NUMA1: variants seen among roughly 807,000 people sequenced by gnomAD.
The protein encoded by NUMA1 is SP-H antigen.
In NUMA1, 62 loss-of-function variants were observed where a neutral mutation model predicts 237.1. The ratio of observed to expected loss-of-function variants is 0.26; its 90% CI spans 0.21 to 0.32. The LOEUF (loss-of-function observed/expected upper bound fraction) is 0.32, where lower values mean the gene tolerates loss of function less well. Among genes scored for constraint, NUMA1 ranks in the 10% least tolerant of loss-of-function variants. The pLI, the probability that NUMA1 is intolerant of heterozygous loss-of-function variation, is 1.00. For missense variants in NUMA1, 2,533 were observed against 2,666.5 expected (o/e 0.95, Z 1.10); for synonymous variants, 1,028 against 1,066.1 (o/e 0.96, Z 0.70).
At chr11:72,012,780 T>G in intron 15 of NUMA1, 115 bp downstream of exon 15, 6 of 1,418,064 alleles carry the variant, frequency 4.2e-6, no homozygotes, top group Admixed American at 2.4e-5. Context: ...ACCCAGTGAA[T>G]GAGGAAAGGC....
At chr11:72,035,824 C>T in intron 3 of NUMA1, 78 bp downstream of exon 3, 1 of 1,315,294 alleles carries the variant, frequency 7.6e-7, no homozygotes, top group Non-Finnish European at 1.1e-6. Context: ...ATAGCCCTGG[C>T]TCCTACAAAA....
chr11:72,035,596 C>CG (rs368685278), intron 3 of NUMA1, among the ~76,000 whole-genome samples: 2,463 of 151,502 alleles, frequency 0.016, 72 homozygotes, highest in African/African-American at 0.057. Context: ...TTAGTAGAGA[C>CG]GGGGGGGTTT....
chr11:72,011,606 C>T (rs537385759), intron 16 of NUMA1, among the ~76,000 whole-genome samples: 1 of 152,340 alleles, frequency 6.6e-6, no homozygotes, highest in East Asian at 1.9e-4. Context: ...TTGTCCCCCA[C>T]TATCACAGGC....
chr11:72,024,589 A>C, intron 4 of NUMA1: 2 of 528,940 alleles, frequency 3.8e-6, no homozygotes, highest in East Asian at 3.3e-5. Context: ...AAAAGATGGC[A>C]CTCTGCCACC....
chr11:72,065,735 T>C (rs952520467), intron 2 of NUMA1: 2 of 152,240 alleles, frequency 1.3e-5, no homozygotes, highest in African/African-American at 2.4e-5. Context: ...TGAAATTTTA[T>C]CCACAAAGGA....
intron 2 of NUMA1, among the ~76,000 whole-genome samples, chr11:72,058,842 G>T (rs1269710827): frequency 6.6e-6 from 1 of 152,166 alleles, no homozygotes; most frequent in Non-Finnish European, 1.5e-5. Context: ...CCCTGTTCTG[G>T]TCTCAGCAGC....
At chr11:72,007,074 G>A in intron 21 of NUMA1, 115 bp downstream of exon 21, 1 of 1,294,138 alleles carries the variant, frequency 7.7e-7, no homozygotes, top group Admixed American at 2.2e-5. Context: ...CTTTCCCACT[G>A]TAACATGGAC....
At position 72,024,666 on chromosome 11, in the gene NUMA1, C is replaced by T. The variant is rs11235424; in HGVS notation, c.129-313G>A. The T allele has an allele frequency of 2.2e-3, 806 of 362,900 alleles. 4 individuals are homozygous for T. The highest frequency in any genetic ancestry group is 0.016 in the African/African-American group (748 of 47,778). 22.5% of individuals were successfully genotyped at this position (362,900 alleles called of 1,614,324 possible). A position where few individuals can be genotyped will look rare whatever the true frequency, so the allele number is the denominator to read the frequency against. On this transcript the variant is annotated intron_variant, in intron 4 of 26. Transcript: ENST00000393695. ...AGGAGACGGAGGCAGCACAGATGAACGGGAAGCTATATTACACCATCTGGA... is the reference window on the plus strand; with the variant it reads ...AGGAGACGGAGGCAGCACAGATGAATGGGAAGCTATATTACACCATCTGGA...
At chr11:72,018,657 G>A (rs780685651) in intron 10 of NUMA1, 144 bp from the exon 11 acceptor site, 272 of 1,076,298 alleles carry the variant, frequency 2.5e-4, no homozygotes, top group Non-Finnish European at 2.4e-4. Flanking sequence ...AAGGGAAAGA[G>A]AAGATGGGGA....
In NUMA1 at chr11:72,015,371, A is replaced by G. The variant is rs759586937; in HGVS notation, c.2132T>C (p.Leu711Ser). ...TTCAAGGCTGCCCTTGGTGACCTTCAAGGACTCTTTGAGGGCCTGGAGCTG... is the reference window on the plus strand; with the variant it reads ...TTCAAGGCTGCCCTTGGTGACCTTCGAGGACTCTTTGAGGGCCTGGAGCTG... ...QEQLQALKES[L>S]KVTKGSLEEE... Residue 711 changes from leucine (L) to serine (S), a missense_variant, in exon 15 of 27, where the codon TTG becomes TCG. By Grantham distance (145) the Leu-to-Ser change is moderately radical. Around this residue, in one of 3 missense-constraint regions of NUMA1, gnomAD observed 1,414 missense variants for 1,508.1 expected, o/e 0.94. Transcript: ENST00000393695. This position sits in a 1 kb window ranked among gnomAD's most constrained non-coding sequence, Gnocchi z 4.0. 3.6e-5 allele frequency: 58 copies of G among 1,612,596 alleles called. No homozygotes were observed. Among genetic ancestry groups the G allele is most frequent in the Non-Finnish European group, 4.7e-5 (55 of 1,180,028 alleles).
intron 8 of NUMA1, among the ~76,000 whole-genome samples, chr11:72,019,922 C>T (rs1458647827): frequency 1.3e-5 from 2 of 152,124 alleles, no homozygotes; most frequent in Admixed American, 6.5e-5. Context: ...GCTTTTTCCT[C>T]GAGTCCACAC....
intron 23 of NUMA1, 67 bp downstream of exon 23, chr11:72,005,166 G>A: frequency 6.7e-7 from 1 of 1,486,208 alleles, no homozygotes; most frequent in Non-Finnish European, 9.0e-7. Flanking sequence ...GCTCAGGCTA[G>A]ATCAGCAGGT....
rs375312614 is a variant in NUMA1 at position 72,015,951 on chromosome 11, C to T, written c.1552G>A (p.Asp518Asn). The T allele has an allele frequency of 6.2e-7, 1 of 1,614,128 alleles. No individual in the cohort carries two copies. The highest frequency in any genetic ancestry group is 1.1e-5 in the South Asian group (1 of 91,086). ...TTLNATIQQQ[D>N]QELAGLKQQA... ...TGCTTCAGGCCAGCCAGTTCTTGAT[C>T]CTGTTGCTGGATGGTGGCATTGAGT... Residue 518 changes from aspartate to asparagine, a missense_variant, in exon 15 of 27, where the codon GAT becomes AAT. By Grantham distance (23) the Asp-to-Asn change is conservative. Around this residue, in one of 3 missense-constraint regions of NUMA1, gnomAD observed 1,414 missense variants for 1,508.1 expected, o/e 0.94. Transcript: ENST00000393695. This position sits in a 1 kb window ranked among gnomAD's most constrained non-coding sequence, Gnocchi z 4.0.
chr11:72,005,223 C>T lies in NUMA1; in HGVS notation c.5829+10G>A, dbSNP rs769366716. The T allele has an allele frequency of 6.3e-6, 10 of 1,588,952 alleles. No homozygotes were observed. The Admixed American group carries it at 1.3e-4, about 20-fold the overall frequency. Reference sequence around the variant, plus strand: ...GATGGGAGGCCCTGCACAGTGACCCCAGGCCTCACCCTGGACTCCAGGGGA... The same window carrying T: ...GATGGGAGGCCCTGCACAGTGACCCTAGGCCTCACCCTGGACTCCAGGGGA... On this transcript the variant is annotated intron_variant, in intron 23 of 26. Coordinates refer to ENST00000393695, the MANE Select transcript of NUMA1 (RefSeq NM_006185.4).
rs566152512 is a variant in NUMA1 at position 72,010,977 on chromosome 11, C to T, written c.4651-123G>A. On this transcript the variant is annotated intron_variant, in intron 16 of 26. Transcript: ENST00000393695. ...CCAGTGTTCCTAGAATAAACTCAGG[C>T]CCTTTCTCTGGCCTCCAATTACGGA... 883 of 869,056 alleles carry T rather than the reference C, an allele frequency of 1.0e-3. 7 individuals carry two copies. The Middle Eastern group carries it at 0.022, about 21-fold the overall frequency. 53.8% of individuals were successfully genotyped at this position (869,056 alleles called of 1,614,324 possible). A position where few individuals can be genotyped will look rare whatever the true frequency, so the allele number is the denominator to read the frequency against.
Position 72,007,306 on chromosome 11 carries a change from A to G in NUMA1, c.5346T>C (p.Ser1782=). The G allele has an allele frequency of 3.1e-6, 5 of 1,613,172 alleles. No homozygotes were observed. The highest frequency in any genetic ancestry group is 4.2e-6 in the Non-Finnish European group (5 of 1,179,694). The part of the protein sequence containing the change: ...SLYFTPIPAR[S]QAPLESSLDS... ...CCAGGCTGCTCTCCAGGGGGGCCTG[A>G]CTCCGAGCAGGGATGGGAGTGAAGT... The change falls in exon 21 of 27, where the codon AGT becomes AGC. Residue 1782 remains serine (S), a synonymous_variant. Coordinates refer to ENST00000393695, the MANE Select transcript of NUMA1 (RefSeq NM_006185.4).
chr11:72,022,841 G>A (rs933406233), intron 6 of NUMA1, among the ~76,000 whole-genome samples: 28 of 152,046 alleles, frequency 1.8e-4, no homozygotes, highest in African/African-American at 6.5e-4. Flanking sequence ...ACCATTGTTT[G>A]TTTCATAATC....
In NUMA1 at chr11:72,004,724, C is replaced by G; in HGVS notation, c.5922G>C (p.Gln1974His). Residue 1974 changes from glutamine to histidine, a missense_variant, in exon 24 of 27, where the codon CAG (glutamine) becomes CAC (histidine). By Grantham distance (24) the Gln-to-His change is conservative (BLOSUM62 0). Coordinates refer to ENST00000393695, the MANE Select transcript of NUMA1 (RefSeq NM_006185.4). ...TLRRASMQPI[Q>H]IAEGTGITTR... The stretch of plus-strand genomic sequence containing the variant: ...TGGTGATGCCAGTGCCCTCGGCTAT[C>G]TGGATTGGCTGCATGCTGGCTCGGC... 2 of 1,613,656 alleles carry G rather than the reference C, an allele frequency of 1.2e-6. No individual in the cohort carries two copies. The highest frequency in any genetic ancestry group is 1.7e-6 in the Non-Finnish European group (2 of 1,179,836).
At chr11:72,010,715 C>G in intron 17 of NUMA1, 71 bp downstream of exon 17, 1 of 1,485,790 alleles carries the variant, frequency 6.7e-7, no homozygotes, top group Non-Finnish European at 9.2e-7. Context: ...ACACCCCCCA[C>G]GGCCCCAGAG....
Sources: gnomAD v4.1 joint callset for allele counts (sites outside exome capture counted in the v4.1 genomes callset) on GRCh38, gnomAD v4.1.1 for gene constraint, gnomAD v4.1.1 regional missense constraint, Gnocchi (gnomAD v3.1) non-coding constraint, MANE v1.5 for transcripts, NCBI Gene and HGNC (gene_info 2026-07-23, HGNC 2026-07-21) for gene names.